NAV3: variants seen among roughly 807,000 people sequenced by gnomAD.
NAV3 encodes the protein neuron navigator 3, also known as pore membrane and/or filament interacting like protein 1.
Under a neutral mutation model 244.7 loss-of-function variants are expected in NAV3, and 87 were observed. That is an observed-to-expected ratio of 0.36 (90% CI 0.30 to 0.42). The LOEUF is 0.42. Ranked by LOEUF, NAV3 falls within the 20% of genes least tolerant of loss-of-function variation. The pLI, the probability that NAV3 is intolerant of heterozygous loss-of-function variation, is 1.00. For missense variants in NAV3, 2,663 were observed against 2,893.3 expected, an observed-to-expected ratio of 0.92 and a Z score of 1.83; for synonymous variants, 1,126 against 1,042.2, an observed-to-expected ratio of 1.08 and a Z score of -1.55.
intron 20 of NAV3, among the ~76,000 whole-genome samples, chr12:78,141,339 T>C (rs949341748): frequency 1.5e-4 from 23 of 152,212 alleles, no homozygotes; most frequent in African/African-American, 4.6e-4. Flanking sequence ...CAGGAAGTTA[T>C]ATTTTATGAG....
intron 2 of NAV3, among the ~76,000 whole-genome samples, chr12:77,623,214 AT>A (rs956391637): frequency 1.2e-4 from 19 of 152,174 alleles, no homozygotes; most frequent in Non-Finnish European, 2.6e-4. Flanking sequence ...AAAAAAATTG[AT>A]TTTTTATATT....
intron 9 of NAV3, among the ~76,000 whole-genome samples, chr12:78,045,704 T>A (rs1443319416): frequency 6.6e-6 from 1 of 152,200 alleles, no homozygotes; most frequent in Non-Finnish European, 1.5e-5. Flanking sequence ...TTTTCTGTTG[T>A]GTCTTTGCCA....
chr12:77,649,396 A>AT (rs1214613144), intron 2 of NAV3, among the ~76,000 whole-genome samples: 11 of 152,062 alleles, frequency 7.2e-5, no homozygotes, highest in African/African-American at 2.2e-4. Context: ...ATCATACACT[A>AT]TATTATTTTT....
At chr12:77,591,458 A>G (rs544326181) in intron 2 of NAV3, among the ~76,000 whole-genome samples, 1 of 152,368 alleles carries the variant, frequency 6.6e-6, no homozygotes, top group South Asian at 2.1e-4. Flanking sequence ...AGACATTTCT[A>G]GAAAGTGTAT....
chr12:77,667,645 C>T (rs563834323), intron 2 of NAV3, among the ~76,000 whole-genome samples: 4 of 152,212 alleles, frequency 2.6e-5, no homozygotes, highest in Admixed American at 2.0e-4. Flanking sequence ...CATCCCTGCC[C>T]CAACCTGGTA....
intron 2 of NAV3, among the ~76,000 whole-genome samples, chr12:77,579,673 A>G (rs561831138): frequency 1.3e-5 from 2 of 152,210 alleles, no homozygotes; most frequent in African/African-American, 2.4e-5. Context: ...CATACAAACC[A>G]TAGTACTACC....
At chr12:77,708,445 G>A (rs1381026892) in intron 2 of NAV3, among the ~76,000 whole-genome samples, 2 of 152,152 alleles carry the variant, frequency 1.3e-5, no homozygotes, top group Admixed American at 6.5e-5. Context: ...GTACCATGCT[G>A]TTTTGGTTAC....
chr12:78,026,108 A>G (rs1309522359), intron 9 of NAV3, among the ~76,000 whole-genome samples: 1 of 152,068 alleles, frequency 6.6e-6, no homozygotes, highest in Non-Finnish European at 1.5e-5. Context: ...GATTTAAATG[A>G]TCCAGGTCTC....
At chr12:77,616,164 T>C (rs1871136070) in intron 2 of NAV3, among the ~76,000 whole-genome samples, 1 of 152,118 alleles carries the variant, frequency 6.6e-6, no homozygotes, top group South Asian at 2.1e-4. Context: ...TCCCAGCACT[T>C]TGGAGGCCAA....
intron 19 of NAV3, among the ~76,000 whole-genome samples, chr12:78,138,471 A>G (rs1956468602): frequency 6.6e-6 from 1 of 152,144 alleles, no homozygotes; most frequent in African/African-American, 2.4e-5. Context: ...GATTCAATAT[A>G]CTGGCATTAA....
chr12:77,592,345 A>G (rs554696419), intron 2 of NAV3, among the ~76,000 whole-genome samples: 28 of 152,200 alleles, frequency 1.8e-4, no homozygotes, highest in Non-Finnish European at 3.7e-4. Context: ...AGGATGTTAT[A>G]TATTTTTTGA....
chr12:77,837,299 A>C (rs1202435392), intron 1 of NAV3, among the ~76,000 whole-genome samples: 1 of 151,794 alleles, frequency 6.6e-6, no homozygotes, highest in East Asian at 1.9e-4. Flanking sequence ...ACTATAAATG[A>C]AGCATAATAT....
intron 12 of NAV3, among the ~76,000 whole-genome samples, chr12:78,084,397 C>T (rs1953517258): frequency 6.6e-6 from 1 of 152,134 alleles, no homozygotes; most frequent in South Asian, 2.1e-4. Context: ...ATCCCATTCC[C>T]TCTCTGTGAT....
intron 35 of NAV3, 35 bp downstream of exon 35, chr12:78,197,436 G>T: frequency 1.4e-6 from 2 of 1,467,862 alleles, no homozygotes; most frequent in South Asian, 1.5e-5. Context: ...AATGAAATAT[G>T]AAATAATTAT....
chr12:77,852,820 G>A (rs7314875), intron 1 of NAV3, among the ~76,000 whole-genome samples: 68,157 of 151,918 alleles, frequency 0.45, 15,771 homozygotes, highest in Non-Finnish European at 0.5. Context: ...CCTTATTCTC[G>A]TAGATTTATA....
At chr12:77,728,001 A>G (rs999257636) in intron 2 of NAV3, among the ~76,000 whole-genome samples, 18 of 151,544 alleles carry the variant, frequency 1.2e-4, no homozygotes, top group Non-Finnish European at 2.2e-4. Flanking sequence ...TTTTTTTTAG[A>G]TGTTTTAAAA....
At chr12:78,190,553 T>A (rs1408421742) in intron 34 of NAV3, among the ~76,000 whole-genome samples, 2 of 152,024 alleles carry the variant, frequency 1.3e-5, no homozygotes, top group African/African-American at 4.8e-5. Context: ...CAAGGAAGAA[T>A]AACTTTTCTT....
chr12:77,874,882 T>C (rs567105926), intron 1 of NAV3, among the ~76,000 whole-genome samples: 1 of 152,278 alleles, frequency 6.6e-6, no homozygotes, highest in East Asian at 1.9e-4. Context: ...TTTTTATAGA[T>C]TTGTTACTCT....
intron 5 of NAV3, among the ~76,000 whole-genome samples, chr12:77,982,748 A>G (rs1468684654): frequency 6.6e-6 from 1 of 152,202 alleles, no homozygotes; most frequent in African/African-American, 2.4e-5. Flanking sequence ...AGGGCAGGCA[A>G]TGGAGAAGGA....
Sources: allele counts gnomAD v4.1 joint callset (sites outside exome capture counted in the v4.1 genomes callset), GRCh38; gene constraint gnomAD v4.1.1; transcripts MANE v1.5; gene names NCBI Gene and HGNC (gene_info 2026-07-23, HGNC 2026-07-21).